Variants in PLXDC2 observed in about 807,000 individuals in gnomAD.
PLXDC2 encodes plexin domain containing 2.
In PLXDC2, 40 loss-of-function variants were observed where a neutral mutation model predicts 68.9. The observed-to-expected ratio is 0.58, with a 90% confidence interval of 0.45 to 0.76. The LOEUF (loss-of-function observed/expected upper bound fraction) is 0.76, where lower values mean the gene tolerates loss of function less well. Ranked by LOEUF, PLXDC2 falls within the 30% of genes least tolerant of loss-of-function variation. PLXDC2 has a pLI of 0.00. For synonymous variants in PLXDC2, 243 were observed against 234.2 expected (o/e 1.04, Z -0.34); for missense variants, 644 against 661.9 (o/e 0.97, Z 0.30).
chr10:19,934,366 G>A (rs1166799288), intron 1 of PLXDC2, among the ~76,000 whole-genome samples: 5 of 152,202 alleles, frequency 3.3e-5, no homozygotes, highest in Non-Finnish European at 7.3e-5. Context: ...AAAGGAAGAA[G>A]CTAATATAAA....
At position 20,162,021 on chromosome 10, in the gene PLXDC2, A is replaced by G. The variant is rs561429787; in HGVS notation, c.784-2447A>G. On this transcript the variant is annotated intron_variant, in intron 6 of 13. Coordinates refer to ENST00000377252, the MANE Select transcript of PLXDC2 (RefSeq NM_032812.9). Reference sequence around the variant, plus strand: ...TGGACAACAAGAGTGAAACTCTGTCAGAAAAAGAAAGAAAGAAAGAAAGAG... The same window carrying G: ...TGGACAACAAGAGTGAAACTCTGTCGGAAAAAGAAAGAAAGAAAGAAAGAG... Among the ~76,000 whole-genome samples, 4 of 120,466 alleles carry G rather than the reference A, an allele frequency of 3.3e-5. No individual in the cohort carries two copies. In the South Asian group the frequency reaches 1.1e-3, roughly 34 times the overall value. 79.0% of individuals were successfully genotyped at this position (120,466 alleles called of 152,430 possible).
chr10:20,230,288 A>G (rs953429098), intron 12 of PLXDC2, among the ~76,000 whole-genome samples: 4 of 152,222 alleles, frequency 2.6e-5, no homozygotes, highest in Non-Finnish European at 4.4e-5. Flanking sequence ...ATAACCACAG[A>G]AAAGCTGGAA....
At chr10:20,187,907 T>G (rs1477079585) in intron 9 of PLXDC2, among the ~76,000 whole-genome samples, 2 of 151,828 alleles carry the variant, frequency 1.3e-5, no homozygotes, top group Non-Finnish European at 2.9e-5. Flanking sequence ...ATAACTAAAC[T>G]GTAAACTATT....
chr10:20,056,338 T>C (rs988936484), intron 3 of PLXDC2, among the ~76,000 whole-genome samples: 1 of 152,198 alleles, frequency 6.6e-6, no homozygotes, highest in African/African-American at 2.4e-5. Context: ...AGTGGCTGAA[T>C]TGTATTTCTC....
At chr10:20,178,655 G>A (rs1189789246) in intron 9 of PLXDC2, among the ~76,000 whole-genome samples, 1 of 152,044 alleles carries the variant, frequency 6.6e-6, no homozygotes, top group Non-Finnish European at 1.5e-5. Flanking sequence ...CATGCTCCAG[G>A]AATACTTTAA....
At chr10:19,855,918 T>G (rs1218822804) in intron 1 of PLXDC2, among the ~76,000 whole-genome samples, 1 of 152,192 alleles carries the variant, frequency 6.6e-6, no homozygotes, top group Admixed American at 6.5e-5. Flanking sequence ...ATCCCATCTG[T>G]ACTAAAAAAA....
chr10:19,866,711 A>G (rs948640252), intron 1 of PLXDC2, among the ~76,000 whole-genome samples: 1 of 152,218 alleles, frequency 6.6e-6, no homozygotes, highest in South Asian at 2.1e-4. Context: ...ATAGGCTGCT[A>G]CTGCTTAAGA....
chr10:19,988,457 C>A (rs1834685640), intron 1 of PLXDC2, among the ~76,000 whole-genome samples: 1 of 151,732 alleles, frequency 6.6e-6, no homozygotes, highest in South Asian at 2.1e-4. Context: ...TGAGAAGTGA[C>A]TGAAAATAGA....
At chr10:19,955,074 ATTTTTTTT>A (rs750051734) in intron 1 of PLXDC2, among the ~76,000 whole-genome samples, 2 of 99,292 alleles carry the variant, frequency 2.0e-5, no homozygotes, top group Non-Finnish European at 4.0e-5. Flanking sequence ...CCTTTCACTG[ATTTTTTTT>A]TTTTTTTTTT....
rs560896282 is a variant in PLXDC2 at position 20,285,204 on chromosome 10, C to A, written c.*5385C>A. ...AGATAATGCGAGGTCTGTGGTGTTA[C>A]CTTTTATATACTCCTATTACCTTAT... On this transcript the variant is annotated 3_prime_UTR_variant, in exon 14 of 14. Transcript: ENST00000377252. 2 of 152,192 alleles carry A rather than the reference C, an allele frequency of 1.3e-5. No individual in the cohort carries two copies. The highest frequency in any genetic ancestry group is 1.3e-4 in the Admixed American group (2 of 15,282). The allele number at this position is 152,192 out of a possible 1,614,324, so 9.4% of individuals were successfully genotyped here. A position where few individuals can be genotyped will look rare whatever the true frequency, so the allele number is the denominator to read the frequency against.
At chr10:20,098,537 C>T (rs1052418731) in intron 4 of PLXDC2, among the ~76,000 whole-genome samples, 30 of 152,004 alleles carry the variant, frequency 2.0e-4, no homozygotes, top group African/African-American at 5.6e-4. Context: ...TATAAAGTAA[C>T]GTTTGTGATT....
chr10:20,107,297 G>A (rs555309540), intron 4 of PLXDC2, among the ~76,000 whole-genome samples: 49 of 152,086 alleles, frequency 3.2e-4, no homozygotes, highest in African/African-American at 1.1e-3. Context: ...CCTTCACGAG[G>A]TTAGAAACTG....
intron 1 of PLXDC2, among the ~76,000 whole-genome samples, chr10:19,974,072 C>G (rs551687980): frequency 1.1e-4 from 16 of 152,268 alleles, no homozygotes; most frequent in African/African-American, 3.9e-4. Flanking sequence ...ATTTTCAATA[C>G]TCAACTTTTG....
chr10:20,261,425 C>A (rs1440970989), intron 13 of PLXDC2, among the ~76,000 whole-genome samples: 1 of 152,110 alleles, frequency 6.6e-6, no homozygotes, highest in African/African-American at 2.4e-5. Flanking sequence ...AGAATAACAG[C>A]AGAACAGAAA....
chr10:20,021,586 T>G (rs1398793189), intron 2 of PLXDC2, among the ~76,000 whole-genome samples: 1 of 152,116 alleles, frequency 6.6e-6, no homozygotes, highest in East Asian at 1.9e-4. Context: ...GGCCACCCCC[T>G]CTTGTCTTGC....
At chr10:20,060,302 G>A (rs577703470) in intron 3 of PLXDC2, among the ~76,000 whole-genome samples, 11 of 151,470 alleles carry the variant, frequency 7.3e-5, no homozygotes, top group Admixed American at 5.3e-4. Flanking sequence ...GACTACAAGT[G>A]TGAGCCACCA....
At chr10:20,130,177 A>G (rs190828316) in intron 4 of PLXDC2, among the ~76,000 whole-genome samples, 119 of 151,718 alleles carry the variant, frequency 7.8e-4, no homozygotes, top group African/African-American at 2.7e-3. Context: ...TTTATTTGTG[A>G]TTTCTTTAAT....
intron 1 of PLXDC2, among the ~76,000 whole-genome samples, chr10:19,856,900 C>A (rs1321261525): frequency 1.3e-5 from 2 of 152,168 alleles, no homozygotes; most frequent in African/African-American, 4.8e-5. Flanking sequence ...TTGCTGAAAT[C>A]ATTTCCTTAC....
chr10:20,045,772 CTATT>C (rs1835786783), intron 2 of PLXDC2, among the ~76,000 whole-genome samples: 1 of 151,982 alleles, frequency 6.6e-6, no homozygotes. Context: ...AATCATAGAC[CTATT>C]TATTCAACAT....
Sources: gnomAD v4.1 joint callset for allele counts (sites outside exome capture counted in the v4.1 genomes callset) on GRCh38, gnomAD v4.1.1 for gene constraint, MANE v1.5 for transcripts, NCBI Gene and HGNC (gene_info 2026-07-23, HGNC 2026-07-21) for gene names.